RNF220: variants seen among roughly 807,000 people sequenced by gnomAD.
RNF220 encodes the protein ring finger protein 220, also known as E3 ubiquitin-protein ligase RNF220.
A neutral mutation model predicts 67.1 loss-of-function variants in RNF220; 7 were observed. The observed-to-expected ratio is 0.10, with a 90% confidence interval of 0.06 to 0.20. RNF220 has a LOEUF of 0.20. Ranked by LOEUF, RNF220 falls within the 10% of genes least tolerant of loss-of-function variation. The pLI is 1.00. For synonymous variants in RNF220, 270 were observed against 283.2 expected, an observed-to-expected ratio of 0.95 and a Z score of 0.47; for missense variants, 565 against 740.3, an observed-to-expected ratio of 0.76 and a Z score of 2.75.
In RNF220 at chr1:44,415,525, G is replaced by A. The variant is rs186588051; in HGVS notation, c.625+2803G>A. 6.7e-3 allele frequency among the ~76,000 whole-genome samples: 1,002 copies of A among 150,664 alleles called. 5 individuals are homozygous for A. The highest frequency in any genetic ancestry group is 0.027 in the Middle Eastern group (8 of 292). On this transcript the variant is annotated intron_variant, in intron 2 of 14. Transcript: ENST00000361799. ...GATATACACACACACACACACACAC[G>A]TGTATATATGTATATATATTTATTC...
At chr1:44,459,387 G>A (rs894009447) in intron 2 of RNF220, among the ~76,000 whole-genome samples, 1 of 147,504 alleles carries the variant, frequency 6.8e-6, no homozygotes, top group Non-Finnish European at 1.5e-5. Context: ...ACTTTTAAAT[G>A]CTGTCTTGCC....
chr1:44,576,888 C>T (rs767134640), intron 2 of RNF220, among the ~76,000 whole-genome samples: 39 of 152,174 alleles, frequency 2.6e-4, no homozygotes, highest in Admixed American at 1.3e-4. Flanking sequence ...CACCTCAGCT[C>T]AACTCACTTT....
At chr1:44,558,822 G>A (rs1451119687) in intron 2 of RNF220, among the ~76,000 whole-genome samples, 1 of 152,138 alleles carries the variant, frequency 6.6e-6, no homozygotes, top group Admixed American at 6.5e-5. Context: ...TCAGTTATTG[G>A]ACTGTTTTGG....
In RNF220 at chr1:44,468,760, C is replaced by CA. The variant is rs573322953; in HGVS notation, c.625+56045dup. On this transcript the variant is annotated intron_variant, in intron 2 of 14. Transcript: ENST00000361799. ...GAAACTCGGTCTCTACAAAAAAATA[C>CA]AAAAAAATTAGCCGGGCATGGTGAT... Among the ~76,000 whole-genome samples, 326 of 151,822 alleles carry CA rather than the reference C, an allele frequency of 2.1e-3. 3 individuals carry two copies. The highest frequency in any genetic ancestry group is 7.5e-3 in the African/African-American group (310 of 41,412).
chr1:44,587,920 G>A (rs1346250543), intron 2 of RNF220, among the ~76,000 whole-genome samples: 3 of 152,166 alleles, frequency 2.0e-5, no homozygotes, highest in East Asian at 3.9e-4. Flanking sequence ...ATGTCCAGAT[G>A]TGTGTGTGTA....
At chr1:44,557,418 AGGAG>A (rs1476686616) in intron 2 of RNF220, among the ~76,000 whole-genome samples, 2 of 145,974 alleles carry the variant, frequency 1.4e-5, no homozygotes, top group East Asian at 2.3e-4. Flanking sequence ...GAAGGAAGGA[AGGAG>A]GGAGGGAGGG....
At chr1:44,569,375 A>T (rs1664266542) in intron 2 of RNF220, among the ~76,000 whole-genome samples, 1 of 152,238 alleles carries the variant, frequency 6.6e-6, no homozygotes, top group African/African-American at 2.4e-5. Context: ...TACACGTAAC[A>T]TTGCATTAAC....
At chr1:44,424,747 T>TC (rs1427554549) in intron 2 of RNF220, among the ~76,000 whole-genome samples, 1 of 152,194 alleles carries the variant, frequency 6.6e-6, no homozygotes, top group Admixed American at 6.5e-5. Context: ...TTATTGCTGA[T>TC]CAAGTGACTG....
intron 2 of RNF220, among the ~76,000 whole-genome samples, chr1:44,515,021 G>A (rs939709279): frequency 2.0e-5 from 3 of 152,180 alleles, no homozygotes; most frequent in Non-Finnish European, 2.9e-5. Flanking sequence ...GGAAGACCTA[G>A]CAAGACTGTT....
rs528646310 is a variant in RNF220 at position 44,570,931 on chromosome 1, G to A, written c.626-43234G>A. Among the ~76,000 whole-genome samples, 63 of 152,116 alleles carry A rather than the reference G, an allele frequency of 4.1e-4. 1 individual carries two copies. Among genetic ancestry groups the A allele is most frequent in the African/African-American group, 1.4e-3 (60 of 41,516 alleles). ...TCTACTAAAAATACAAAAATTAGCTGGGCATGGTGGTGCGCACGTGTAATC... is the reference window on the plus strand; with the variant it reads ...TCTACTAAAAATACAAAAATTAGCTAGGCATGGTGGTGCGCACGTGTAATC... On this transcript the variant is annotated intron_variant, in intron 2 of 14. Transcript: ENST00000361799.
At chr1:44,525,086 C>CT (rs1660259861) in intron 2 of RNF220, among the ~76,000 whole-genome samples, 1 of 152,094 alleles carries the variant, frequency 6.6e-6, no homozygotes, top group Non-Finnish European at 1.5e-5. Flanking sequence ...ATGTGAGAAG[C>CT]TTTTAAAACA....
intron 2 of RNF220, among the ~76,000 whole-genome samples, chr1:44,567,623 G>C (rs1276336239): frequency 1.3e-5 from 2 of 152,102 alleles, no homozygotes; most frequent in African/African-American, 4.8e-5. Flanking sequence ...AAGGGAAATA[G>C]ACTGTTTAGC....
chr1:44,614,436 T>G, intron 3 of RNF220, 139 bp downstream of exon 3: 1 of 925,436 alleles, frequency 1.1e-6, no homozygotes, highest in Non-Finnish European at 1.6e-6. Context: ...TCCACAACTC[T>G]GTTTCAATCC....
intron 2 of RNF220, among the ~76,000 whole-genome samples, chr1:44,577,156 A>G (rs749272046): frequency 1.3e-5 from 2 of 152,204 alleles, no homozygotes; most frequent in Non-Finnish European, 2.9e-5. Context: ...CTACATTCCA[A>G]TAATCTTGAT....
chr1:44,580,116 G>T (rs1437875648), intron 2 of RNF220, among the ~76,000 whole-genome samples: 1 of 148,768 alleles, frequency 6.7e-6, no homozygotes, highest in East Asian at 2.1e-4. Context: ...AGAAGAAATT[G>T]TTCCATGGAG....
intron 2 of RNF220, among the ~76,000 whole-genome samples, chr1:44,518,873 T>TA (rs1472687066): frequency 7.0e-6 from 1 of 142,006 alleles, no homozygotes; most frequent in Non-Finnish European, 1.5e-5. Flanking sequence ...AGACTCCGTC[T>TA]AAAAAACAAA....
At position 44,612,772 on chromosome 1, in the gene RNF220, A is replaced by AT. The variant is rs397725478; in HGVS notation, c.626-1390dup. On this transcript the variant is annotated intron_variant, in intron 2 of 14. Transcript: ENST00000361799. ...TGGGACATGCTTATACAAAAAAAAA[A>AT]TTTATTATCTGAAATTCAAATTGAA... is the stretch of plus-strand genomic sequence containing the variant. Among the ~76,000 whole-genome samples, 1,024 of 151,296 alleles carry AT rather than the reference A, an allele frequency of 6.8e-3. 5 individuals are homozygous for AT. Among genetic ancestry groups the AT allele is most frequent in the Non-Finnish European group, 9.4e-3 (640 of 67,758 alleles).
chr1:44,542,150 A>G (rs1459828186), intron 2 of RNF220, among the ~76,000 whole-genome samples: 1 of 152,180 alleles, frequency 6.6e-6, no homozygotes, highest in African/African-American at 2.4e-5. Context: ...CAGAGGGGGT[A>G]CCAGTGCAGA....
At chr1:44,428,073 T>G (rs549027751) in intron 2 of RNF220, among the ~76,000 whole-genome samples, 1 of 152,284 alleles carries the variant, frequency 6.6e-6, no homozygotes, top group East Asian at 1.9e-4. Context: ...CTTCTTGGCT[T>G]CAGTTATATG....
Sources: allele counts gnomAD v4.1 joint callset (sites outside exome capture counted in the v4.1 genomes callset), GRCh38; gene constraint gnomAD v4.1.1; transcripts MANE v1.5; gene names NCBI Gene and HGNC (gene_info 2026-07-23, HGNC 2026-07-21).